IL1RAP: variants seen among roughly 807,000 people sequenced by gnomAD.
IL1RAP encodes interleukin-1 receptor accessory protein.
In IL1RAP, 35 loss-of-function variants were observed where a neutral mutation model predicts 60.7. That is an observed-to-expected ratio of 0.58 (90% CI 0.44 to 0.76). The LOEUF (loss-of-function observed/expected upper bound fraction) is 0.76. Among genes scored for constraint, IL1RAP ranks in the 30% least tolerant of loss-of-function variants. The pLI is 0.00. For missense variants in IL1RAP, 572 were observed against 693.9 expected, an observed-to-expected ratio of 0.82 and a Z score of 1.97; for synonymous variants, 268 against 250.9, an observed-to-expected ratio of 1.07 and a Z score of -0.64.
chr3:190,521,879 C>T (rs555681818), intron 1 of IL1RAP, among the ~76,000 whole-genome samples: 1 of 152,006 alleles, frequency 6.6e-6, no homozygotes, highest in Non-Finnish European at 1.5e-5. Context: ...TCTGTATCAC[C>T]GTTAATCTCC....
intron 9 of IL1RAP, 189 bp from the exon 10 acceptor site, chr3:190,644,059 A>T: frequency 3.3e-6 from 3 of 903,874 alleles, no homozygotes; most frequent in Non-Finnish European, 4.0e-6. Context: ...GGTGCTGGAA[A>T]CAAAAAGATA....
chr3:190,581,927 G>A (rs1026874393), intron 3 of IL1RAP, among the ~76,000 whole-genome samples: 3 of 152,174 alleles, frequency 2.0e-5, no homozygotes, highest in African/African-American at 7.2e-5. Context: ...CTCACAGATG[G>A]CACCAATACT....
chr3:190,608,348 G>T lies in IL1RAP; in HGVS notation c.351-647G>T, dbSNP rs938976827. Among the ~76,000 whole-genome samples the T allele has an allele frequency of 3.9e-5, 6 of 152,100 alleles. No individual in the cohort carries two copies. The East Asian group carries it at 1.2e-3, about 29-fold the overall frequency. ...TTATCACACAGTGGTAAGGATTTGTGTACCTAATCTGTCTAAATATAGAAA... is the reference window on the plus strand; with the variant it reads ...TTATCACACAGTGGTAAGGATTTGTTTACCTAATCTGTCTAAATATAGAAA... On this transcript the variant is annotated intron_variant, in intron 4 of 11. Coordinates refer to ENST00000447382, the MANE Select transcript of IL1RAP (RefSeq NM_002182.4).
intron 1 of IL1RAP, among the ~76,000 whole-genome samples, chr3:190,523,071 A>T (rs1183318425): frequency 1.3e-5 from 2 of 152,168 alleles, no homozygotes; most frequent in African/African-American, 4.8e-5. Context: ...CAGTCTTTGA[A>T]ATACCTTGCA....
At chr3:190,582,307 C>G (rs1006482869) in intron 3 of IL1RAP, among the ~76,000 whole-genome samples, 3 of 150,506 alleles carry the variant, frequency 2.0e-5, no homozygotes, top group African/African-American at 7.3e-5. Flanking sequence ...CATTCTTGAA[C>G]TTTTCTTTTC....
At position 190,648,222 on chromosome 3, in the gene IL1RAP, G is replaced by A. The variant is rs903166771; in HGVS notation, c.1346-116G>A. On this transcript the variant is annotated intron_variant, in intron 11 of 11. Coordinates refer to ENST00000447382, the MANE Select transcript of IL1RAP (RefSeq NM_002182.4). The stretch of plus-strand genomic sequence containing the variant: ...TTGTTCACATTTTTGCTGGTAAAAT[G>A]TTTCACCTCAATTCTTAGGCTGGTA... 69 of 1,335,142 alleles carry A rather than the reference G, an allele frequency of 5.2e-5. No homozygotes were observed. In the Admixed American group the frequency reaches 5.9e-4, roughly 11 times the overall value. 82.7% of individuals were successfully genotyped at this position (1,335,142 alleles called of 1,614,324 possible). A position where few individuals can be genotyped will look rare whatever the true frequency, so the allele number is the denominator to read the frequency against.
chr3:190,521,801 C>T (rs963384639), intron 1 of IL1RAP, among the ~76,000 whole-genome samples: 4 of 151,794 alleles, frequency 2.6e-5, no homozygotes, highest in African/African-American at 7.3e-5. Context: ...GTAGATGACT[C>T]GGTTAGGCAC....
intron 1 of IL1RAP, among the ~76,000 whole-genome samples, chr3:190,517,388 T>C (rs896400629): frequency 1.3e-5 from 2 of 152,246 alleles, no homozygotes; most frequent in Admixed American, 6.5e-5. Flanking sequence ...ATTCAACTTT[T>C]TTTTTTGACA....
intron 3 of IL1RAP, among the ~76,000 whole-genome samples, chr3:190,587,093 A>G (rs1284212023): frequency 2.6e-4 from 39 of 152,232 alleles, no homozygotes; most frequent in Admixed American, 2.6e-3. Context: ...CATGGATTAT[A>G]AACCCATCAT....
Position 190,629,404 on chromosome 3 carries a change from G to A in IL1RAP, c.957G>A (p.Lys319=). ...CAAGAACTCAGATTTTGAGCATCAA[G>A]AAAGTTACCTCTGAGGATCTCAAGC... ...DETRTQILSI[K]KVTSEDLKRS... is the part of the protein sequence containing the mutation. Residue 319 remains lysine, a synonymous_variant, in exon 9 of 12, where the codon AAG becomes AAA. Transcript: ENST00000447382. 1 of 1,613,728 alleles carries A rather than the reference G, an allele frequency of 6.2e-7. No individual in the cohort carries two copies. The highest frequency in any genetic ancestry group is 1.7e-4 in the Middle Eastern group (1 of 6,058).
At chr3:190,567,728 A>C (rs1165352582) in intron 3 of IL1RAP, among the ~76,000 whole-genome samples, 1 of 152,212 alleles carries the variant, frequency 6.6e-6, no homozygotes, top group Non-Finnish European at 1.5e-5. Flanking sequence ...GGTAAGGTAT[A>C]TCCTTACACG....
intron 5 of IL1RAP, among the ~76,000 whole-genome samples, chr3:190,616,019 T>A (rs1296784005): frequency 6.6e-6 from 1 of 152,200 alleles, no homozygotes; most frequent in Non-Finnish European, 1.5e-5. Context: ...TGTACCATAT[T>A]TTCTTTCAGA....
intron 2 of IL1RAP, among the ~76,000 whole-genome samples, chr3:190,558,894 G>A (rs1210039930): frequency 1.3e-5 from 2 of 152,104 alleles, no homozygotes; most frequent in Non-Finnish European, 2.9e-5. Flanking sequence ...CAAAAACTTA[G>A]TTGCTTAAAA....
At chr3:190,640,201 A>T (rs1414309637) in intron 9 of IL1RAP, among the ~76,000 whole-genome samples, 1 of 152,208 alleles carries the variant, frequency 6.6e-6, no homozygotes, top group Non-Finnish European at 1.5e-5. Flanking sequence ...TCTGTGCCAC[A>T]GTTTAAAAGG....
chr3:190,564,914 G>A (rs749412706), intron 3 of IL1RAP, among the ~76,000 whole-genome samples: 29 of 152,214 alleles, frequency 1.9e-4, no homozygotes, highest in South Asian at 4.1e-4. Context: ...CCTGGATCAC[G>A]TGAAATTAGA....
intron 5 of IL1RAP, among the ~76,000 whole-genome samples, chr3:190,619,090 A>C (rs1731529854): frequency 6.6e-6 from 1 of 152,242 alleles, no homozygotes; most frequent in Non-Finnish European, 1.5e-5. Flanking sequence ...CTTAGAGATA[A>C]CCTAATCTTT....
intron 3 of IL1RAP, among the ~76,000 whole-genome samples, chr3:190,598,416 A>G (rs560706331): frequency 2.2e-4 from 33 of 152,228 alleles, no homozygotes; most frequent in Admixed American, 2.0e-3. Flanking sequence ...TAAAATCAAA[A>G]ATTTTTCTAA....
intron 3 of IL1RAP, among the ~76,000 whole-genome samples, chr3:190,567,300 G>A (rs768453892): frequency 6.6e-6 from 1 of 152,070 alleles, no homozygotes; most frequent in Non-Finnish European, 1.5e-5. Context: ...TCCCTTTAAG[G>A]AATTAAAGCT....
chr3:190,540,722 C>T (rs1280774319), intron 1 of IL1RAP, among the ~76,000 whole-genome samples: 2 of 151,812 alleles, frequency 1.3e-5, no homozygotes, highest in African/African-American at 4.8e-5. Flanking sequence ...CAAAGTCTCC[C>T]AACTGAGAAA....
Sources: gnomAD v4.1 joint callset for allele counts (sites outside exome capture counted in the v4.1 genomes callset) on GRCh38, gnomAD v4.1.1 for gene constraint, MANE v1.5 for transcripts, NCBI Gene and HGNC (gene_info 2026-07-23, HGNC 2026-07-21) for gene names.